NOL9: variants seen among roughly 807,000 people sequenced by gnomAD.
NOL9 encodes the protein nucleolar protein 9.
NOL9 carries 28 observed loss-of-function variants against 67.9 expected under a neutral mutation model. The observed-to-expected ratio is 0.41, with a 90% CI of 0.31 to 0.57. The LOEUF (loss-of-function observed/expected upper bound fraction) is 0.57. Ranked by LOEUF, NOL9 falls within the 20% of genes least tolerant of loss-of-function variation. NOL9 has a pLI of 0.25. For synonymous variants in NOL9, 356 were observed against 352.2 expected (o/e 1.01, Z -0.12); for missense variants, 777 against 897.0 (o/e 0.87, Z 1.71).
At chr1:6,534,031 G>C (rs1276304340) in intron 6 of NOL9, among the ~76,000 whole-genome samples, 1 of 152,136 alleles carries the variant, frequency 6.6e-6, no homozygotes, top group Non-Finnish European at 1.5e-5. Flanking sequence ...GGGATTACAG[G>C]CATGTGCCAC....
rs1639615131 is a variant in NOL9, at chr1:6,554,233, G to T, written c.270C>A (p.Thr90=). 6.6e-7 allele frequency: 1 copy of T among 1,512,838 alleles called. No homozygotes were observed. The highest frequency in any genetic ancestry group is 2.1e-4 in the Middle Eastern group (1 of 4,694). The allele number at this position is 1,512,838 out of a possible 1,614,324, so 93.7% of individuals were successfully genotyped here. ...GTTCGGACTCGGGTTCGGAGGCCGG[G>T]GTCGGGCTAGGGATCGGGCTGGGGG... ...TATPSPIPSP[T]PASEPESEPE... is the part of the protein sequence containing the mutation. Residue 90 remains threonine, a synonymous_variant, in exon 1 of 12, where the codon ACC becomes ACA. Transcript: ENST00000377705.
chr1:6,549,662 TGAG>T lies in NOL9; in HGVS notation c.650_652del (p.Pro217del). 6.2e-7 allele frequency: 1 copy of T among 1,614,116 alleles called. No homozygotes were observed. The highest frequency in any genetic ancestry group is 8.5e-7 in the Non-Finnish European group (1 of 1,180,008). On this transcript the variant is annotated inframe_deletion, in exon 3 of 12. Transcript: ENST00000377705. ...ATGTTCTAGCAACACAATGGAACAC[TGAG>T]GAGAAAAATTCTGCATCGACCAACG...
chr1:6,550,641 A>C, intron 1 of NOL9, 26 bp from the exon 2 acceptor site: 1 of 1,543,648 alleles, frequency 6.5e-7, no homozygotes, highest in Non-Finnish European at 8.9e-7. Context: ...AACAGAAAAA[A>C]CATTATAGAT....
chr1:6,543,214 G>A (rs374352099), intron 5 of NOL9, among the ~76,000 whole-genome samples: 1 of 33,664 alleles, frequency 3.0e-5, no homozygotes, highest in South Asian at 1.1e-3. Context: ...TTTTTTTTTT[G>A]AGACAGAGTC....
chr1:6,530,789 C>T (rs1639007146), intron 9 of NOL9, among the ~76,000 whole-genome samples: 1 of 152,252 alleles, frequency 6.6e-6, no homozygotes, highest in South Asian at 2.1e-4. Flanking sequence ...GCCATGAAGT[C>T]ACTGAGCCCC....
At chr1:6,529,520 G>A (rs915515682) in intron 9 of NOL9, among the ~76,000 whole-genome samples, 8 of 152,134 alleles carry the variant, frequency 5.3e-5, no homozygotes, top group Admixed American at 1.3e-4. Flanking sequence ...CCTGGGAGGC[G>A]GAGGTTGCAG....
chr1:6,549,768 A>G, intron 2 of NOL9, 70 bp from the exon 3 acceptor site: 1 of 1,574,542 alleles, frequency 6.4e-7, no homozygotes, highest in South Asian at 1.1e-5. Flanking sequence ...TAGGACTGCC[A>G]TCTCCTCGGC....
intron 9 of NOL9, among the ~76,000 whole-genome samples, chr1:6,531,176 T>G (rs965395948): frequency 1.3e-5 from 2 of 152,116 alleles, no homozygotes; most frequent in African/African-American, 4.8e-5. Flanking sequence ...AATACTCTGG[T>G]GGTGGAATCT....
chr1:6,529,553 A>G (rs1238739777), intron 9 of NOL9, among the ~76,000 whole-genome samples: 1 of 152,024 alleles, frequency 6.6e-6, no homozygotes, highest in East Asian at 1.9e-4. Flanking sequence ...CTGCCACCGC[A>G]CTCCAGCCTG....
intron 1 of NOL9, among the ~76,000 whole-genome samples, chr1:6,551,924 A>AC (rs1389081893): frequency 2.0e-5 from 3 of 152,024 alleles, no homozygotes; most frequent in East Asian, 1.9e-4. Flanking sequence ...AGTCCCAACT[A>AC]CTCGGGAGGC....
chr1:6,527,513 G>A (rs1441156175), intron 10 of NOL9, among the ~76,000 whole-genome samples: 1 of 151,928 alleles, frequency 6.6e-6, no homozygotes, highest in African/African-American at 2.4e-5. Flanking sequence ...TGGGCATGGT[G>A]GCGCGCACCT....
At position 6,532,677 on chromosome 1, in the gene NOL9, A is replaced by T; in HGVS notation, c.1321T>A (p.Tyr441Asn). ...TACTGCGGGGTAAGGTCTGGCATAT[A>T]TTTACTGTGGTCAGAGCGGAACTGA... Reference protein sequence around the residue: ...VVQFRSDHSKYMPDLTPQYVD... With the variant: ...VVQFRSDHSKNMPDLTPQYVD... Residue 441 changes from tyrosine to asparagine, a missense_variant, in exon 8 of 12, where the codon TAT (tyrosine) becomes AAT (asparagine). By Grantham distance (143) the Tyr-to-Asn change is moderately radical. Coordinates refer to ENST00000377705, the MANE Select transcript of NOL9 (RefSeq NM_024654.5). 10 of 1,614,166 alleles carry T rather than the reference A, an allele frequency of 6.2e-6. No homozygotes were observed. Among genetic ancestry groups the T allele is most frequent in the Non-Finnish European group, 8.5e-6 (10 of 1,180,032 alleles).
In NOL9 at chr1:6,521,375, CA is replaced by C. The variant is rs948226183; in HGVS notation, c.*4478del. On this transcript the variant is annotated 3_prime_UTR_variant, in exon 12 of 12. Transcript: ENST00000377705. Reference sequence around the variant, plus strand: ...ATGTTTTCAAAAATATTTAATGATACAAAAGTTCATCTGTTAACTGAAAAGA... The same window carrying C: ...ATGTTTTCAAAAATATTTAATGATACAAAGTTCATCTGTTAACTGAAAAGA... The C allele has an allele frequency of 6.6e-6, 1 of 152,004 alleles. No homozygotes were observed. Among genetic ancestry groups the C allele is most frequent in the Admixed American group, 6.6e-5 (1 of 15,254 alleles). The allele number at this position is 152,004 out of a possible 1,614,324, so 9.4% of individuals were successfully genotyped here. A position where few individuals can be genotyped will look rare whatever the true frequency, so the allele number is the denominator to read the frequency against.
intron 9 of NOL9, among the ~76,000 whole-genome samples, chr1:6,530,394 C>A (rs1257341009): frequency 6.6e-6 from 1 of 152,214 alleles, no homozygotes; most frequent in East Asian, 1.9e-4. Flanking sequence ...GCGGAGGTTG[C>A]AGTGAGCCAA....
intron 1 of NOL9, among the ~76,000 whole-genome samples, chr1:6,552,956 C>A (rs1204090496): frequency 1.3e-5 from 2 of 152,126 alleles, no homozygotes; most frequent in Non-Finnish European, 2.9e-5. Flanking sequence ...GGATTACAGG[C>A]GTGTGCTACC....
rs937107579 is a variant in NOL9 at position 6,523,936 on chromosome 1, T to C, written c.*1918A>G. On this transcript the variant is annotated 3_prime_UTR_variant, in exon 12 of 12. Transcript: ENST00000377705. ...CAATTACAGGGCACCAGTTTCATTC[T>C]TCCAGAGCCTTGCTGCAAATGACCT... The C allele has an allele frequency of 5.3e-5, 8 of 152,260 alleles. No individual in the cohort carries two copies. Among genetic ancestry groups the C allele is most frequent in the African/African-American group, 1.9e-4 (8 of 41,468 alleles). 9.4% of individuals were successfully genotyped at this position (152,260 alleles called of 1,614,324 possible).
In NOL9 at chr1:6,548,505, G is replaced by A. The variant is rs574136344; in HGVS notation, c.744+1066C>T. 4 of 264,298 alleles carry A rather than the reference G, an allele frequency of 1.5e-5. No homozygotes were observed. In the South Asian group the frequency reaches 1.9e-4, roughly 12 times the overall value. The allele number at this position is 264,298 out of a possible 1,614,324, so 16.4% of individuals were successfully genotyped here. ...AAAAACCATGTCAGCAGAGCCTACGGTGGTTCCATGCGTGCTAAACGTGTT... is the reference window on the plus strand; with the variant it reads ...AAAAACCATGTCAGCAGAGCCTACGATGGTTCCATGCGTGCTAAACGTGTT... On this transcript the variant is annotated intron_variant, in intron 3 of 11. Transcript: ENST00000377705.
In NOL9 at chr1:6,550,683, C is replaced by CTTT. The variant is rs34186512; in HGVS notation, c.397-71_397-69dup. ...ACTAATGACTGAAACATTCTAAAAT[C>CTTT]TTTTTTTTTTTTTTTTTGAGATGGA... On this transcript the variant is annotated intron_variant, in intron 1 of 11. Coordinates refer to ENST00000377705, the MANE Select transcript of NOL9 (RefSeq NM_024654.5). 1,519 of 597,602 alleles carry CTTT rather than the reference C, an allele frequency of 2.5e-3. 1 individual carries two copies. The highest frequency in any genetic ancestry group is 6.1e-3 in the Admixed American group (174 of 28,552). The allele number at this position is 597,602 out of a possible 1,614,324, so 37.0% of individuals were successfully genotyped here.
chr1:6,530,911 C>G (rs1049857479), intron 9 of NOL9, among the ~76,000 whole-genome samples: 2 of 152,238 alleles, frequency 1.3e-5, no homozygotes, highest in Non-Finnish European at 2.9e-5. Context: ...TCAGTCCTAG[C>G]CTCAACTTTG....
Sources: gnomAD v4.1 joint callset for allele counts (sites outside exome capture counted in the v4.1 genomes callset) on GRCh38, gnomAD v4.1.1 for gene constraint, MANE v1.5 for transcripts, NCBI Gene and HGNC (gene_info 2026-07-23, HGNC 2026-07-21) for gene names.